SOX5: variants seen among roughly 807,000 people sequenced by gnomAD.
SOX5 encodes SRY-box transcription factor 5.
Under a neutral mutation model 92.0 loss-of-function variants are expected in SOX5, and 9 were observed. That is an observed-to-expected ratio of 0.10 (90% CI 0.06 to 0.17). The LOEUF (loss-of-function observed/expected upper bound fraction) is 0.17. Ranked by LOEUF, SOX5 falls within the 10% of genes least tolerant of loss-of-function variation. The probability of loss-of-function intolerance (pLI) is 1.00; values close to 1 mark genes in which losing one functional copy is unlikely to be tolerated. For synonymous variants in SOX5, 344 were observed against 336.3 expected (o/e 1.02, Z -0.25); for missense variants, 642 against 944.5 (o/e 0.68, Z 4.20).
intron 1 of SOX5, among the ~76,000 whole-genome samples, chr12:24,515,242 T>G (rs1348470372): frequency 1.3e-5 from 2 of 152,184 alleles, no homozygotes; most frequent in Non-Finnish European, 2.9e-5. Context: ...TTGTGTGACC[T>G]GTGAAAAACT....
At chr12:24,539,772 G>A (rs2970417) in intron 1 of SOX5, among the ~76,000 whole-genome samples, 4,795 of 152,104 alleles carry the variant, frequency 0.032, 117 homozygotes, top group South Asian at 0.082. Flanking sequence ...TTCTGGATAC[G>A]TATATTAATT....
chr12:24,552,823 A>C (rs759083984), intron 1 of SOX5, among the ~76,000 whole-genome samples: 27 of 152,148 alleles, frequency 1.8e-4, no homozygotes, highest in Non-Finnish European at 3.5e-4. Context: ...AACATGATGA[A>C]ACCCCACCTC....
intron 2 of SOX5, among the ~76,000 whole-genome samples, chr12:24,319,823 C>G (rs1311309793): frequency 2.0e-5 from 3 of 152,168 alleles, no homozygotes; most frequent in African/African-American, 7.2e-5. Context: ...ATGTGACATG[C>G]AATTTCATCC....
chr12:24,548,854 A>G (rs566821392), intron 1 of SOX5, among the ~76,000 whole-genome samples: 2 of 152,322 alleles, frequency 1.3e-5, no homozygotes, highest in East Asian at 3.9e-4. Context: ...CTGTAGGCAC[A>G]AATTTTATTG....
Position 23,628,954 on chromosome 12 carries a change from G to A in SOX5, c.1017+11858C>T, listed in dbSNP as rs545927214. Among the ~76,000 whole-genome samples, 35 of 151,938 alleles carry A rather than the reference G, an allele frequency of 2.3e-4. 1 individual carries two copies. Among genetic ancestry groups the A allele is most frequent in the African/African-American group, 8.0e-4 (33 of 41,508 alleles). ...AGAACAGTTCATTCATGACTGCAAC[G>A]TCTTATCTGCATGATTATATAATCA... On this transcript the variant is annotated intron_variant, in intron 8 of 14. Transcript: ENST00000451604.
chr12:23,908,486 T>G (rs1595557899), intron 1 of SOX5, among the ~76,000 whole-genome samples: 1 of 151,978 alleles, frequency 6.6e-6, no homozygotes, highest in East Asian at 1.9e-4. Flanking sequence ...CCATACAGAC[T>G]TGGTTACAGC....
chr12:23,943,395 T>C (rs1167073926), intron 1 of SOX5, among the ~76,000 whole-genome samples: 1 of 152,094 alleles, frequency 6.6e-6, no homozygotes, highest in Non-Finnish European at 1.5e-5. Context: ...AGAAAAAACG[T>C]CATTTAGTAA....
chr12:23,961,409 A>G (rs1003804084), intron 4 of SOX5, among the ~76,000 whole-genome samples: 1 of 152,104 alleles, frequency 6.6e-6, no homozygotes, highest in Non-Finnish European at 1.5e-5. Context: ...CTCTCCCTAC[A>G]TATCATGAAT....
At chr12:23,937,388 TG>T (rs1942807668) in intron 1 of SOX5, among the ~76,000 whole-genome samples, 1 of 150,950 alleles carries the variant, frequency 6.6e-6, no homozygotes, top group African/African-American at 2.4e-5. Context: ...AATTAGATTT[TG>T]CCTATAATTT....
At chr12:23,961,497 A>G (rs559496424) in intron 4 of SOX5, among the ~76,000 whole-genome samples, 1 of 152,210 alleles carries the variant, frequency 6.6e-6, no homozygotes, top group South Asian at 2.1e-4. Flanking sequence ...CTTTTGTCTG[A>G]ACTGTGCATT....
chr12:23,720,390 C>A (rs2092747525), intron 6 of SOX5, among the ~76,000 whole-genome samples: 1 of 152,088 alleles, frequency 6.6e-6, no homozygotes, highest in Non-Finnish European at 1.5e-5. Context: ...AACAAGGTAT[C>A]AAAGAGGCCC....
chr12:23,601,935 TA>T (rs1430539570), intron 9 of SOX5, among the ~76,000 whole-genome samples: 2 of 152,170 alleles, frequency 1.3e-5, no homozygotes, highest in African/African-American at 4.8e-5. Context: ...AGAAAGGGCA[TA>T]TTTTTATTAA....
In SOX5 at chr12:23,868,866, A is replaced by C. The variant is rs549433552; in HGVS notation, c.271-22673T>G. On this transcript the variant is annotated intron_variant, in intron 2 of 14. Coordinates refer to ENST00000451604, the MANE Select transcript of SOX5 (RefSeq NM_006940.6). Reference sequence around the variant, plus strand: ...AGTTCATGAGATAGGATTTTTATTAAGCAATTCGCATACTCCAAACCTCTT... The same window carrying C: ...AGTTCATGAGATAGGATTTTTATTACGCAATTCGCATACTCCAAACCTCTT... Among the ~76,000 whole-genome samples the C allele has an allele frequency of 7.9e-5, 12 of 152,274 alleles. No individual in the cohort carries two copies. The South Asian group carries it at 1.9e-3, about 24-fold the overall frequency.
At chr12:23,719,206 G>A (rs2092676568) in intron 6 of SOX5, among the ~76,000 whole-genome samples, 1 of 152,086 alleles carries the variant, frequency 6.6e-6, no homozygotes, top group African/African-American at 2.4e-5. Flanking sequence ...CGGATACCAT[G>A]CGTCATGACA....
intron 11 of SOX5, among the ~76,000 whole-genome samples, chr12:23,561,339 A>T (rs1946161272): frequency 3.3e-5 from 5 of 152,326 alleles, no homozygotes; most frequent in African/African-American, 1.2e-4. Context: ...AACAATGGAC[A>T]AGTATGGAAT....
At chr12:24,259,289 AT>A (rs112380031) in intron 3 of SOX5, among the ~76,000 whole-genome samples, 86 of 152,318 alleles carry the variant, frequency 5.6e-4, no homozygotes, top group African/African-American at 2.0e-3. Context: ...TAGATTAGGT[AT>A]TCTCAGGCAC....
At chr12:24,414,627 G>T (rs1280977255) in intron 1 of SOX5, among the ~76,000 whole-genome samples, 1 of 152,200 alleles carries the variant, frequency 6.6e-6, no homozygotes, top group African/African-American at 2.4e-5. Flanking sequence ...CACATGTGAT[G>T]ACGGACAGGA....
At chr12:24,543,561 G>A (rs10771093) in intron 1 of SOX5, among the ~76,000 whole-genome samples, 36,873 of 152,016 alleles carry the variant, frequency 0.24, 5,154 homozygotes, top group African/African-American at 0.38. Context: ...GGTGGTACGC[G>A]TGTGTGGTCT....
rs1234763417 is a variant in SOX5, at chr12:23,755,741, A to G, written c.482-17T>C. 1 of 1,485,716 alleles carries G rather than the reference A, an allele frequency of 6.7e-7. No homozygotes were observed. Among genetic ancestry groups the G allele is most frequent in the Non-Finnish European group, 9.1e-7 (1 of 1,094,992 alleles). 92.0% of individuals were successfully genotyped at this position (1,485,716 alleles called of 1,614,324 possible). On this transcript the variant is annotated splice_polypyrimidine_tract_variant and intron_variant, in intron 3 of 14. Transcript: ENST00000451604. The stretch of plus-strand genomic sequence containing the variant: ...TGGGGGTTTCTAAGTAAAGAAAAAA[A>G]GAAGTGAGCAAATCAACATGACTCT...
Sources: allele counts gnomAD v4.1 joint callset (sites outside exome capture counted in the v4.1 genomes callset), GRCh38; gene constraint gnomAD v4.1.1; transcripts MANE v1.5; gene names NCBI Gene and HGNC (gene_info 2026-07-23, HGNC 2026-07-21).